RSPO2: variants seen among roughly 807,000 people sequenced by gnomAD.
RSPO2 encodes the protein R-spondin-2.
A neutral mutation model predicts 30.9 loss-of-function variants in RSPO2; 14 were observed. The ratio of observed to expected loss-of-function variants is 0.45; its 90% CI spans 0.30 to 0.71. The LOEUF is 0.71. RSPO2 is among the 30% of genes least tolerant of loss of function. RSPO2 has a pLI of 0.08. For missense variants in RSPO2, 264 were observed against 301.9 expected (o/e 0.87, Z 0.93); for synonymous variants, 107 against 96.4 (o/e 1.11, Z -0.64).
At chr8:108,077,423 G>A (rs1233633618) in intron 2 of RSPO2, among the ~76,000 whole-genome samples, 4 of 152,104 alleles carry the variant, frequency 2.6e-5, no homozygotes, top group Non-Finnish European at 5.9e-5. Context: ...AGAACAGGTG[G>A]AAGGTGGGCT....
At chr8:108,025,975 A>C (rs1397048987) in intron 2 of RSPO2, among the ~76,000 whole-genome samples, 3 of 152,266 alleles carry the variant, frequency 2.0e-5, no homozygotes, top group African/African-American at 7.2e-5. Flanking sequence ...TTTATATCAT[A>C]TCAAAGTATC....
intron 2 of RSPO2, among the ~76,000 whole-genome samples, chr8:108,034,986 T>C (rs887920626): frequency 2.0e-5 from 3 of 152,244 alleles, no homozygotes; most frequent in African/African-American, 7.2e-5. Context: ...AAATGTTTTA[T>C]ATTAACTAAT....
At chr8:108,061,039 A>G (rs1311701981) in intron 2 of RSPO2, among the ~76,000 whole-genome samples, 1 of 151,872 alleles carries the variant, frequency 6.6e-6, no homozygotes, top group Non-Finnish European at 1.5e-5. Flanking sequence ...AGGAAGCACT[A>G]AACATGGAAA....
intron 3 of RSPO2, among the ~76,000 whole-genome samples, chr8:107,969,686 G>A (rs1026670048): frequency 2.0e-5 from 3 of 152,150 alleles, no homozygotes; most frequent in African/African-American, 7.2e-5. Flanking sequence ...CATGGTGAAG[G>A]TGTGAAACAG....
Position 107,976,445 on chromosome 8 carries a change from T to C in RSPO2, c.283+12611A>G, listed in dbSNP as rs547032256. Among the ~76,000 whole-genome samples the C allele has an allele frequency of 2.4e-3, 358 of 152,320 alleles. 2 individuals are homozygous for C. Among genetic ancestry groups the C allele is most frequent in the Middle Eastern group, 0.01 (3 of 294 alleles). ...GCAATGTAAATGTTTACAAATACTA[T>C]AGAGTAGAATGTAATGTTTAACTAT... On this transcript the variant is annotated intron_variant, in intron 3 of 5. Transcript: ENST00000276659.
chr8:107,953,099 A>G (rs1813307995), intron 5 of RSPO2, among the ~76,000 whole-genome samples: 2 of 152,218 alleles, frequency 1.3e-5, no homozygotes, highest in Non-Finnish European at 2.9e-5. Flanking sequence ...ATGACAAAGC[A>G]TCACCTTAAT....
intron 5 of RSPO2, among the ~76,000 whole-genome samples, chr8:107,953,391 A>G (rs527868643): frequency 1.3e-5 from 2 of 152,228 alleles, no homozygotes; most frequent in Non-Finnish European, 2.9e-5. Flanking sequence ...CTTCACAGGG[A>G]AAGCTGAATC....
intron 2 of RSPO2, among the ~76,000 whole-genome samples, chr8:108,026,589 A>G (rs939620242): frequency 1.3e-5 from 2 of 152,210 alleles, no homozygotes; most frequent in African/African-American, 4.8e-5. Flanking sequence ...TAACAAGGCC[A>G]GGAGCGGTGG....
chr8:107,980,728 G>C (rs980165900), intron 3 of RSPO2, among the ~76,000 whole-genome samples: 2 of 151,936 alleles, frequency 1.3e-5, no homozygotes, highest in Non-Finnish European at 2.9e-5. Flanking sequence ...TAACAGCCTC[G>C]CCACCCAGGT....
intron 5 of RSPO2, among the ~76,000 whole-genome samples, chr8:107,925,188 A>G (rs1292679521): frequency 3.3e-5 from 5 of 151,842 alleles, no homozygotes; most frequent in African/African-American, 9.7e-5. Context: ...AAGACTACAT[A>G]TTGGGAACAG....
intron 4 of RSPO2, 88 bp from the exon 5 acceptor site, chr8:107,958,356 G>C (rs1451238027): frequency 4.6e-6 from 5 of 1,093,026 alleles, no homozygotes; most frequent in Non-Finnish European, 6.7e-6. Flanking sequence ...TTACAGAGCA[G>C]TGTTCCTTCA....
chr8:107,939,707 T>C (rs1812832460), intron 5 of RSPO2, among the ~76,000 whole-genome samples: 1 of 152,042 alleles, frequency 6.6e-6, no homozygotes, highest in Admixed American at 6.6e-5. Context: ...GCAAGTTAAA[T>C]GCCAAGCGTT....
chr8:108,028,250 A>C (rs1387391958), intron 2 of RSPO2, among the ~76,000 whole-genome samples: 1 of 152,104 alleles, frequency 6.6e-6, no homozygotes, highest in East Asian at 1.9e-4. Flanking sequence ...TCTCTGGCTT[A>C]TCTTACCCCC....
At chr8:108,060,320 A>C (rs1318049946) in intron 2 of RSPO2, among the ~76,000 whole-genome samples, 12 of 151,924 alleles carry the variant, frequency 7.9e-5, no homozygotes, top group Admixed American at 7.9e-4. Flanking sequence ...TAGAATAATC[A>C]ACATAGAGAA....
At chr8:107,960,611 T>G in intron 4 of RSPO2, 63 bp downstream of exon 4, 2 of 1,487,990 alleles carry the variant, frequency 1.3e-6, no homozygotes, top group Non-Finnish European at 1.9e-6. Context: ...AGCATGCATA[T>G]TTTTAAGAAA....
chr8:108,034,201 T>C (rs1361877360), intron 2 of RSPO2, among the ~76,000 whole-genome samples: 1 of 152,194 alleles, frequency 6.6e-6, no homozygotes, highest in Admixed American at 6.5e-5. Context: ...GGGGGTTTTT[T>C]TTCCCCTCCT....
At chr8:108,064,095 A>T (rs868725911) in intron 2 of RSPO2, among the ~76,000 whole-genome samples, 2,941 of 152,278 alleles carry the variant, frequency 0.019, 109 homozygotes, top group African/African-American at 0.067. Context: ...AACCTAGGCA[A>T]TACCATTCAG....
At chr8:107,966,306 G>A (rs527819249) in intron 3 of RSPO2, among the ~76,000 whole-genome samples, 1 of 152,062 alleles carries the variant, frequency 6.6e-6, no homozygotes, top group South Asian at 2.1e-4. Flanking sequence ...GTCCCTATGG[G>A]CCAACCATCC....
At chr8:108,017,239 G>A (rs895790866) in intron 2 of RSPO2, among the ~76,000 whole-genome samples, 2 of 152,102 alleles carry the variant, frequency 1.3e-5, no homozygotes, top group African/African-American at 2.4e-5. Context: ...AGATGGTCTC[G>A]ATCTCATGAC....
Sources: gnomAD v4.1 joint callset for allele counts (sites outside exome capture counted in the v4.1 genomes callset) on GRCh38, gnomAD v4.1.1 for gene constraint, MANE v1.5 for transcripts, NCBI Gene and HGNC (gene_info 2026-07-23, HGNC 2026-07-21) for gene names.